CDKAL1: variants seen among roughly 807,000 people sequenced by gnomAD.
CDKAL1 encodes the protein threonylcarbamoyladenosine tRNA methylthiotransferase.
Under a neutral mutation model 68.2 loss-of-function variants are expected in CDKAL1, and 32 were observed. The observed-to-expected ratio is 0.47, with a 90% confidence interval of 0.35 to 0.63. CDKAL1 has a LOEUF of 0.63. Ranked by LOEUF, CDKAL1 falls within the 30% of genes least tolerant of loss-of-function variation. CDKAL1 has a pLI of 0.00. For synonymous variants in CDKAL1, 234 were observed against 244.3 expected (o/e 0.96, Z 0.39); for missense variants, 606 against 696.7 (o/e 0.87, Z 1.47).
chr6:21,118,832 C>T (rs956312017), intron 13 of CDKAL1, among the ~76,000 whole-genome samples: 35 of 152,152 alleles, frequency 2.3e-4, no homozygotes, highest in Non-Finnish European at 2.9e-5. Context: ...ATTTAGCTAT[C>T]GTTATGTGGT....
intron 9 of CDKAL1, among the ~76,000 whole-genome samples, chr6:20,948,859 G>A (rs181526023): frequency 6.6e-6 from 1 of 152,272 alleles, no homozygotes; most frequent in African/African-American, 2.4e-5. Context: ...CTGAAGCCTT[G>A]TTTTCAGAAA....
rs1766453934 is a variant in CDKAL1 at position 20,608,980 on chromosome 6, G to A, written c.287-40313G>A. Among the ~76,000 whole-genome samples, 12 of 152,218 alleles carry A rather than the reference G, an allele frequency of 7.9e-5. No individual in the cohort carries two copies. In the South Asian group the frequency reaches 2.3e-3, roughly 29 times the overall value. ...TCTTCATAGGCTTTTTATGGATTTG[G>A]GAGAGTATTGTACTAATAAAGTTAA... On this transcript the variant is annotated intron_variant, in intron 4 of 15. Transcript: ENST00000274695.
intron 4 of CDKAL1, among the ~76,000 whole-genome samples, chr6:20,595,636 G>A (rs997856209): frequency 1.2e-4 from 19 of 152,110 alleles, no homozygotes; most frequent in African/African-American, 2.9e-4. Context: ...TTAGCTCATA[G>A]GAGTTTGTTA....
intron 5 of CDKAL1, among the ~76,000 whole-genome samples, chr6:20,709,946 A>G (rs756099492): frequency 5.3e-5 from 8 of 152,158 alleles, no homozygotes; most frequent in Admixed American, 2.0e-4. Context: ...GGCAAAGGCA[A>G]TGGAGTTATA....
intron 11 of CDKAL1, among the ~76,000 whole-genome samples, chr6:21,041,036 T>C (rs114618728): frequency 0.01 from 1,575 of 152,286 alleles, 31 homozygotes; most frequent in African/African-American, 0.036. Flanking sequence ...GCTTATAACA[T>C]TGGGAACCAG....
intron 5 of CDKAL1, among the ~76,000 whole-genome samples, chr6:20,651,557 G>A (rs559597316): frequency 1.3e-5 from 2 of 151,994 alleles, no homozygotes; most frequent in East Asian, 3.9e-4. Flanking sequence ...TTTTTCTCTT[G>A]CCTGATTGCC....
At chr6:20,563,092 A>C (rs996151530) in intron 4 of CDKAL1, among the ~76,000 whole-genome samples, 1 of 152,226 alleles carries the variant, frequency 6.6e-6, no homozygotes, top group Non-Finnish European at 1.5e-5. Flanking sequence ...ATATGATATA[A>C]GATGGAATGA....
At chr6:21,171,434 G>A (rs528337963) in intron 13 of CDKAL1, among the ~76,000 whole-genome samples, 81 of 152,048 alleles carry the variant, frequency 5.3e-4, no homozygotes, top group African/African-American at 1.4e-3. Context: ...GGCTGGTCTC[G>A]ATCTCCTGAC....
At chr6:21,222,943 A>C (rs753415170) in intron 15 of CDKAL1, among the ~76,000 whole-genome samples, 1 of 152,100 alleles carries the variant, frequency 6.6e-6, no homozygotes, top group Non-Finnish European at 1.5e-5. Context: ...GTGTGTGTGC[A>C]TGTGTGTGTT....
intron 9 of CDKAL1, among the ~76,000 whole-genome samples, chr6:20,930,933 CG>C (rs1325699181): frequency 1.3e-5 from 2 of 150,100 alleles, no homozygotes; most frequent in African/African-American, 4.9e-5. Context: ...TTAGTAGAGA[CG>C]GGGTTTCACC....
intron 4 of CDKAL1, among the ~76,000 whole-genome samples, chr6:20,556,693 A>G (rs778859589): frequency 9.2e-5 from 14 of 152,154 alleles, no homozygotes; most frequent in Non-Finnish European, 1.6e-4. Flanking sequence ...GTACCTGAAG[A>G]TAAAGGAAAA....
At chr6:21,182,755 A>G (rs575588386) in intron 13 of CDKAL1, among the ~76,000 whole-genome samples, 1 of 152,352 alleles carries the variant, frequency 6.6e-6, no homozygotes, top group African/African-American at 2.4e-5. Flanking sequence ...ACATTAAGAA[A>G]GGCATATCCT....
chr6:21,198,841 G>GT (rs1253227175), intron 14 of CDKAL1, among the ~76,000 whole-genome samples: 1 of 152,196 alleles, frequency 6.6e-6, no homozygotes, highest in Non-Finnish European at 1.5e-5. Flanking sequence ...ACTCCTCCAG[G>GT]TGGGAGAGCA....
Position 21,065,141 on chromosome 6 carries a change from G to C in CDKAL1, c.1149G>C (p.Glu383Asp). 1 of 1,609,220 alleles carries C rather than the reference G, an allele frequency of 6.2e-7. No homozygotes were observed. The highest frequency in any genetic ancestry group is 1.1e-5 in the South Asian group (1 of 89,224). The change falls in exon 12 of 16, where the codon GAG becomes GAC. Residue 383 changes from glutamate to aspartate, a missense_variant. Glu to Asp is a conservative substitution (Grantham distance 45). Coordinates refer to ENST00000274695, the MANE Select transcript of CDKAL1 (RefSeq NM_017774.3). ...AAGAAACAGTGAAACTTGTTGAAGAGTACAAATTCCCAAGCCTGTTTATTA... is the reference window on the plus strand; with the variant it reads ...AAGAAACAGTGAAACTTGTTGAAGACTACAAATTCCCAAGCCTGTTTATTA... The part of the protein sequence containing the change: ...DFQETVKLVE[E>D]YKFPSLFINQ...
chr6:20,599,252 A>G (rs1184744110), intron 4 of CDKAL1: 1 of 343,878 alleles, frequency 2.9e-6, no homozygotes, highest in Non-Finnish European at 5.7e-6. Context: ...GTATAAATCC[A>G]GAGATATTAA....
intron 11 of CDKAL1, among the ~76,000 whole-genome samples, chr6:21,049,575 A>G (rs913728349): frequency 6.6e-5 from 10 of 152,180 alleles, no homozygotes; most frequent in African/African-American, 1.9e-4. Context: ...TTTTAAGGCA[A>G]TATCTTTGGT....
chr6:20,931,354 T>C (rs973567287), intron 9 of CDKAL1, among the ~76,000 whole-genome samples: 4 of 152,200 alleles, frequency 2.6e-5, no homozygotes, highest in African/African-American at 9.6e-5. Context: ...TGTCATTGAA[T>C]GGTAAGAATC....
intron 2 of CDKAL1, among the ~76,000 whole-genome samples, chr6:20,542,259 A>G (rs1193653633): frequency 6.6e-6 from 1 of 152,204 alleles, no homozygotes; most frequent in African/African-American, 2.4e-5. Flanking sequence ...AGGACAACTG[A>G]AAGAATGTAA....
Position 20,695,460 on chromosome 6 carries a change from TATC to T in CDKAL1, c.372-44056_372-44054del, listed in dbSNP as rs1235552377. On this transcript the variant is annotated intron_variant, in intron 5 of 15. Coordinates refer to ENST00000274695, the MANE Select transcript of CDKAL1 (RefSeq NM_017774.3). ...GCTCTGGATGGACATCATTTTCTCA[TATC>T]ATTTTATCTTTTAGAGAAATACACA... is the stretch of plus-strand genomic sequence containing the variant. Among the ~76,000 whole-genome samples, 6 of 152,322 alleles carry T rather than the reference TATC, an allele frequency of 3.9e-5. No individual in the cohort carries two copies. The East Asian group carries it at 1.2e-3, about 29-fold the overall frequency.
Sources: gnomAD v4.1 joint callset for allele counts (sites outside exome capture counted in the v4.1 genomes callset) on GRCh38, gnomAD v4.1.1 for gene constraint, MANE v1.5 for transcripts, NCBI Gene and HGNC (gene_info 2026-07-23, HGNC 2026-07-21) for gene names.